C12orf42: variants seen among roughly 807,000 people sequenced by gnomAD.
The protein encoded by C12orf42 is uncharacterized protein C12orf42.
In C12orf42, 25 loss-of-function variants were observed where a neutral mutation model predicts 21.6. The ratio of observed to expected loss-of-function variants is 1.16; its 90% confidence interval spans 0.84 to 1.62. C12orf42 has a LOEUF of 1.62. Among genes scored for constraint, C12orf42 ranks in the 40% most tolerant of loss-of-function variants. The pLI, the probability that C12orf42 is intolerant of heterozygous loss-of-function variation, is 0.00. For missense variants in C12orf42, 483 were observed against 459.3 expected, an observed-to-expected ratio of 1.05 and a Z score of -0.47; for synonymous variants, 174 against 175.0, an observed-to-expected ratio of 0.99 and a Z score of 0.05.
intron 3 of C12orf42, among the ~76,000 whole-genome samples, chr12:103,380,870 G>A (rs2046104917): frequency 6.6e-6 from 1 of 152,150 alleles, no homozygotes; most frequent in Admixed American, 6.5e-5. Context: ...TCCTACAGAT[G>A]TGGAAAATGA....
At chr12:103,344,806 G>C (rs764559712) in intron 4 of C12orf42, among the ~76,000 whole-genome samples, 11 of 152,176 alleles carry the variant, frequency 7.2e-5, no homozygotes, top group Non-Finnish European at 1.2e-4. Context: ...AAGACAGAGA[G>C]AGAGAGGCAG....
chr12:103,087,961 G>A, the C12orf42 span, among the ~76,000 whole-genome samples: 2 of 152,176 alleles, frequency 1.3e-5, no homozygotes, highest in Admixed American at 6.5e-5. Context: ...CTAAATATAC[G>A]TTTTGCAGTT....
At chr12:103,294,407 AAGAAAGAGAGAAAGGAGAGAG>A (rs1342776267) in intron 4 of C12orf42, among the ~76,000 whole-genome samples, 1 of 145,458 alleles carries the variant, frequency 6.9e-6, no homozygotes, top group Non-Finnish European at 1.5e-5. Flanking sequence ...GAAAGAAAGA[AAGAAAGAGAGAAAGGAGAGAG>A]AGAAAGAAAG....
the C12orf42 span, among the ~76,000 whole-genome samples, chr12:103,176,396 AAC>A: frequency 0.016 from 2,436 of 152,266 alleles, 23 homozygotes; most frequent in Middle Eastern, 0.051. Flanking sequence ...TCATATTTAT[AAC>A]AGAGAAAACA....
At chr12:103,058,128 G>A in the C12orf42 span, among the ~76,000 whole-genome samples, 67 of 151,956 alleles carry the variant, frequency 4.4e-4, no homozygotes, top group African/African-American at 1.5e-3. Context: ...GCTAATTTTT[G>A]TATTTTTAGG....
At chr12:103,200,257 T>G in the C12orf42 span, among the ~76,000 whole-genome samples, 100 of 152,266 alleles carry the variant, frequency 6.6e-4, 1 homozygote, top group African/African-American at 2.3e-3. Flanking sequence ...ATGACACCCC[T>G]TATATGATAA....
chr12:103,050,263 T>C, the C12orf42 span, among the ~76,000 whole-genome samples: 2 of 151,786 alleles, frequency 1.3e-5, no homozygotes, highest in Non-Finnish European at 2.9e-5. Context: ...TATCAAATGG[T>C]ATATTGAATA....
chr12:103,548,308 GA>G, the C12orf42 span, among the ~76,000 whole-genome samples: 1 of 152,248 alleles, frequency 6.6e-6, no homozygotes, highest in Admixed American at 6.5e-5. Flanking sequence ...AGATAACGCA[GA>G]TAAGGCAGCT....
At chr12:103,259,159 T>C (rs2136218895) in intron 10 of C12orf42, among the ~76,000 whole-genome samples, 1 of 152,356 alleles carries the variant, frequency 6.6e-6, no homozygotes, top group South Asian at 2.1e-4. Context: ...AATTATATTT[T>C]AGTAGATTTT....
At chr12:103,355,711 G>T (rs1002799589) in intron 4 of C12orf42, among the ~76,000 whole-genome samples, 5 of 151,996 alleles carry the variant, frequency 3.3e-5, no homozygotes, top group African/African-American at 1.2e-4. Context: ...CAGCACCCTA[G>T]TTTGAGCACC....
chr12:103,433,475 G>A (rs111650511), intron 2 of C12orf42, among the ~76,000 whole-genome samples: 1,907 of 152,190 alleles, frequency 0.013, 34 homozygotes, highest in African/African-American at 0.044. Context: ...GCAACAAGAA[G>A]GATATAGCAA....
the C12orf42 span, among the ~76,000 whole-genome samples, chr12:103,063,598 C>T: frequency 6.6e-6 from 1 of 152,116 alleles, no homozygotes; most frequent in Non-Finnish European, 1.5e-5. Flanking sequence ...AAACCCTGTG[C>T]CACCTGAGGC....
chr12:103,084,812 G>C, the C12orf42 span, among the ~76,000 whole-genome samples: 1 of 152,132 alleles, frequency 6.6e-6, no homozygotes, highest in African/African-American at 2.4e-5. Flanking sequence ...TCATTTACTA[G>C]GGGCTAAGTT....
chr12:103,325,391 T>C (rs2040580349), intron 4 of C12orf42, among the ~76,000 whole-genome samples: 1 of 152,210 alleles, frequency 6.6e-6, no homozygotes, highest in Non-Finnish European at 1.5e-5. Context: ...AATAAATAAT[T>C]ATGTGGCTCA....
the C12orf42 span, among the ~76,000 whole-genome samples, chr12:103,049,511 C>A: frequency 2.0e-5 from 3 of 152,188 alleles, no homozygotes; most frequent in Admixed American, 1.3e-4. Context: ...CCCCATACTT[C>A]TGTTCTCATC....
At chr12:103,185,278 G>C in the C12orf42 span, among the ~76,000 whole-genome samples, 7 of 152,022 alleles carry the variant, frequency 4.6e-5, no homozygotes, top group African/African-American at 1.7e-4. Context: ...CCTGTGCTTG[G>C]GCTAAGCTAG....
Position 103,362,928 on chromosome 12 carries a change from G to A in C12orf42, c.259+5959C>T, listed in dbSNP as rs1332183549. 2.0e-5 allele frequency among the ~76,000 whole-genome samples: 3 copies of A among 152,020 alleles called. No homozygotes were observed. In the East Asian group the frequency reaches 5.8e-4, roughly 29 times the overall value. ...TAAAAGTTTGGAAAACATATCTGGGGGAATAACTGAGGAAATCTTCCCCGG... is the reference window on the plus strand; with the variant it reads ...TAAAAGTTTGGAAAACATATCTGGGAGAATAACTGAGGAAATCTTCCCCGG... On this transcript the variant is annotated intron_variant, in intron 4 of 5. Coordinates refer to ENST00000548883, the MANE Select transcript of C12orf42 (RefSeq NM_198521.5).
chr12:103,497,040 C>CT (rs1171707201), upstream of C12orf42, among the ~76,000 whole-genome samples: 2 of 151,992 alleles, frequency 1.3e-5, no homozygotes, highest in Non-Finnish European at 2.9e-5. Context: ...TTCTCTCATC[C>CT]TTTTATAATT....
At chr12:103,236,715 T>C (rs1437791800), downstream of C12orf42, among the ~76,000 whole-genome samples, 1 of 152,110 alleles carries the variant, frequency 6.6e-6, no homozygotes, top group Non-Finnish European at 1.5e-5. Context: ...TTCTATTGCC[T>C]TAAAAAAAAA....
Sources: allele counts gnomAD v4.1 joint callset (sites outside exome capture counted in the v4.1 genomes callset), GRCh38; gene constraint gnomAD v4.1.1; transcripts MANE v1.5; gene names NCBI Gene and HGNC (gene_info 2026-07-23, HGNC 2026-07-21).